CES5A: variants seen among roughly 807,000 people sequenced by gnomAD.
CES5A encodes carboxylesterase 5A.
In CES5A, 67 loss-of-function variants were observed where a neutral mutation model predicts 62.9. The observed-to-expected ratio is 1.07, with a 90% CI of 0.88 to 1.31. The LOEUF (loss-of-function observed/expected upper bound fraction) is 1.31, where lower values mean the gene tolerates loss of function less well. Ranked by LOEUF, CES5A falls within the 50% of genes most tolerant of loss-of-function variation. The probability of loss-of-function intolerance (pLI) is 0.00; values close to 1 mark genes in which losing one functional copy is unlikely to be tolerated. For missense variants in CES5A, 748 were observed against 708.5 expected (o/e 1.06, Z -0.63); for synonymous variants, 296 against 280.8 (o/e 1.05, Z -0.54).
At chr16:55,940,493 C>A (rs1298963541) in intron 2 of CES5A, among the ~76,000 whole-genome samples, 1 of 151,860 alleles carries the variant, frequency 6.6e-6, no homozygotes, top group Non-Finnish European at 1.5e-5. Flanking sequence ...AAATGAATAA[C>A]CTAAATAGTC....
At chr16:55,849,356 A>T (rs564589443) in intron 11 of CES5A, among the ~76,000 whole-genome samples, 141 of 151,712 alleles carry the variant, frequency 9.3e-4, no homozygotes, top group African/African-American at 3.3e-3. Context: ...ATATTAAAAA[A>T]AAAAATATTT....
chr16:55,942,160 TAG>T (rs1333433950), intron 2 of CES5A, among the ~76,000 whole-genome samples: 1 of 152,184 alleles, frequency 6.6e-6, no homozygotes, highest in Non-Finnish European at 1.5e-5. Context: ...TTTGCATTCT[TAG>T]ATTAGACAAA....
At chr16:55,856,545 A>T (rs1188794899) in intron 8 of CES5A, 100 bp from the exon 9 acceptor site, 137 of 1,074,348 alleles carry the variant, frequency 1.3e-4, no homozygotes, top group Non-Finnish European at 1.9e-4. Flanking sequence ...GGGAAGTTGG[A>T]TAAGGAGCCC....
At chr16:55,860,880 A>G (rs1217849135) in intron 7 of CES5A, among the ~76,000 whole-genome samples, 2 of 152,168 alleles carry the variant, frequency 1.3e-5, no homozygotes, top group African/African-American at 2.4e-5. Context: ...AAAGGCTCTC[A>G]AGATTGGAAG....
chr16:55,859,469 G>C, intron 8 of CES5A, 78 bp downstream of exon 8: 1 of 1,426,378 alleles, frequency 7.0e-7, no homozygotes, highest in Non-Finnish European at 9.7e-7. Context: ...GATGTCTTCT[G>C]TGGAAATGCC....
intron 1 of CES5A, among the ~76,000 whole-genome samples, chr16:55,922,167 C>T (rs1030732800): frequency 1.3e-5 from 2 of 151,834 alleles, no homozygotes; most frequent in Non-Finnish European, 2.9e-5. Flanking sequence ...AACAAAATGT[C>T]AATAGTAAGC....
upstream of CES5A, among the ~76,000 whole-genome samples, chr16:55,928,648 T>G (rs1416008497): frequency 6.6e-6 from 1 of 152,254 alleles, no homozygotes; most frequent in Non-Finnish European, 1.5e-5. Flanking sequence ...AAATTTCCAC[T>G]GAGACTGTGC....
chr16:55,854,689 G>A (rs1230031300), intron 9 of CES5A, among the ~76,000 whole-genome samples: 1 of 150,410 alleles, frequency 6.6e-6, no homozygotes, highest in Non-Finnish European at 1.5e-5. Flanking sequence ...ACACCACCAG[G>A]CCTGGCTAAT....
At chr16:55,926,814 C>A (rs1222245572), upstream of CES5A, among the ~76,000 whole-genome samples, 3 of 152,178 alleles carry the variant, frequency 2.0e-5, no homozygotes, top group Non-Finnish European at 2.9e-5. Context: ...CTGTGAGCAG[C>A]CCAAAAAACT....
chr16:55,875,353 G>A lies in CES5A; in HGVS notation c.-132C>T. On this transcript the variant is annotated 5_prime_UTR_variant, in exon 1 of 13. Coordinates refer to ENST00000290567, the MANE Select transcript of CES5A (RefSeq NM_001143685.2). Reference sequence around the variant, plus strand: ...GGCAGGCAGAGGCAGCAGAGTTACTGAAGATCAGCATCAGAACAATATTCT... The same window carrying A: ...GGCAGGCAGAGGCAGCAGAGTTACTAAAGATCAGCATCAGAACAATATTCT... The A allele has an allele frequency of 6.8e-7, 1 of 1,474,278 alleles. No individual in the cohort carries two copies. The allele number at this position is 1,474,278 out of a possible 1,614,324, so 91.3% of individuals were successfully genotyped here. A position where few individuals can be genotyped will look rare whatever the true frequency, so the allele number is the denominator to read the frequency against.
At position 55,859,531 on chromosome 16, in the gene CES5A, C is replaced by G. The variant is rs2033309357; in HGVS notation, c.1056+16G>C. ...CGGTTTGAGGGAGTGGCAGTATGGA[C>G]AGCCAGAATTCTTACCATAGGCAGC... is the stretch of plus-strand genomic sequence containing the variant. On this transcript the variant is annotated intron_variant, in intron 8 of 12. Coordinates refer to ENST00000290567, the MANE Select transcript of CES5A (RefSeq NM_001143685.2). The G allele has an allele frequency of 6.8e-6, 11 of 1,607,756 alleles. No individual in the cohort carries two copies. Among genetic ancestry groups the G allele is most frequent in the Non-Finnish European group, 7.6e-6 (9 of 1,178,354 alleles).
chr16:55,849,909 T>C (rs1157221856), intron 10 of CES5A, 136 bp from the exon 11 acceptor site: 5 of 877,808 alleles, frequency 5.7e-6, no homozygotes, highest in Non-Finnish European at 5.1e-6. Flanking sequence ...TCCCCCTTCC[T>C]CATTTGAGGC....
At chr16:55,873,773 A>T in intron 2 of CES5A, 60 bp downstream of exon 2, 1 of 1,447,688 alleles carries the variant, frequency 6.9e-7, no homozygotes, top group Admixed American at 1.9e-5. Context: ...GGGCTGCATG[A>T]CCTGAATTCC....
chr16:55,929,434 C>A (rs1160741810), upstream of CES5A, among the ~76,000 whole-genome samples: 1 of 152,156 alleles, frequency 6.6e-6, no homozygotes, highest in Non-Finnish European at 1.5e-5. Flanking sequence ...CGCATTCAGA[C>A]AATCTGGCTG....
chr16:55,936,392 G>A (rs1369263736), intron 2 of CES5A, among the ~76,000 whole-genome samples: 1 of 152,160 alleles, frequency 6.6e-6, no homozygotes, highest in Non-Finnish European at 1.5e-5. Flanking sequence ...GATCCTCTAA[G>A]ATCTCTGCCC....
At chr16:55,883,074 C>A (rs977752080) in intron 1 of CES5A, among the ~76,000 whole-genome samples, 1 of 152,160 alleles carries the variant, frequency 6.6e-6, no homozygotes, top group Non-Finnish European at 1.5e-5. Context: ...TACGTTATAG[C>A]AGAAGCCTTA....
At chr16:55,860,086 A>G (rs2033322934) in intron 7 of CES5A, among the ~76,000 whole-genome samples, 1 of 151,926 alleles carries the variant, frequency 6.6e-6, no homozygotes, top group African/African-American at 2.4e-5. Flanking sequence ...TTCCCATGCT[A>G]TTTGCATGAT....
chr16:55,860,565 G>A (rs2142396156), intron 7 of CES5A, among the ~76,000 whole-genome samples: 1 of 152,326 alleles, frequency 6.6e-6, no homozygotes, highest in South Asian at 2.1e-4. Context: ...AGATGAAGTG[G>A]TCAGGACTGT....
At chr16:55,877,849 A>T (rs1385650633), upstream of CES5A, among the ~76,000 whole-genome samples, 2 of 152,210 alleles carry the variant, frequency 1.3e-5, no homozygotes, top group African/African-American at 4.8e-5. Flanking sequence ...GAACAGCTGG[A>T]ACTAAAGCCC....
Sources: gnomAD v4.1 joint callset for allele counts (sites outside exome capture counted in the v4.1 genomes callset) on GRCh38, gnomAD v4.1.1 for gene constraint, MANE v1.5 for transcripts, NCBI Gene and HGNC (gene_info 2026-07-23, HGNC 2026-07-21) for gene names.